GRXCR1: variants seen among roughly 807,000 people sequenced by gnomAD.
GRXCR1 encodes the protein glutaredoxin domain-containing cysteine-rich protein 1.
In GRXCR1, 27 loss-of-function variants were observed where a neutral mutation model predicts 27.3. The ratio of observed to expected loss-of-function variants is 0.99; its 90% confidence interval spans 0.73 to 1.37. The LOEUF (loss-of-function observed/expected upper bound fraction) is 1.37. GRXCR1 is among the 40% of genes most tolerant of loss of function. The probability of loss-of-function intolerance (pLI) is 0.00; values close to 1 mark genes in which losing one functional copy is unlikely to be tolerated. For synonymous variants in GRXCR1, 122 were observed against 131.1 expected, an observed-to-expected ratio of 0.93 and a Z score of 0.47; for missense variants, 379 against 354.4, an observed-to-expected ratio of 1.07 and a Z score of -0.56.
intron 2 of GRXCR1, among the ~76,000 whole-genome samples, chr4:43,014,444 G>T (rs1474243930): frequency 1.3e-5 from 2 of 152,096 alleles, no homozygotes; most frequent in Admixed American, 6.6e-5. Context: ...CTAGGTGCGG[G>T]TCGAACTCCT....
intron 2 of GRXCR1, among the ~76,000 whole-genome samples, chr4:42,970,796 A>G (rs1277026011): frequency 2.6e-5 from 4 of 152,158 alleles, no homozygotes; most frequent in African/African-American, 9.6e-5. Context: ...TTACGTATGC[A>G]AATTTCTTCA....
At chr4:42,984,851 T>C (rs1421995138) in intron 2 of GRXCR1, among the ~76,000 whole-genome samples, 2 of 152,140 alleles carry the variant, frequency 1.3e-5, no homozygotes, top group South Asian at 2.1e-4. Flanking sequence ...GGCCAAACGC[T>C]TGGGACTGTG....
At chr4:42,907,564 C>A (rs1305806770) in intron 1 of GRXCR1, among the ~76,000 whole-genome samples, 1 of 152,132 alleles carries the variant, frequency 6.6e-6, no homozygotes, top group Non-Finnish European at 1.5e-5. Context: ...CAGGAAGTAG[C>A]TGCTGTACTT....
At chr4:42,934,240 T>TTA (rs3072842) in intron 1 of GRXCR1, among the ~76,000 whole-genome samples, 87,506 of 146,204 alleles carry the variant, frequency 0.6, 26,342 homozygotes, top group East Asian at 0.76. Context: ...TGATGTGATA[T>TTA]TATATATATA....
chr4:42,920,841 C>T (rs1746992203), intron 1 of GRXCR1, among the ~76,000 whole-genome samples: 2 of 152,158 alleles, frequency 1.3e-5, no homozygotes, highest in African/African-American at 4.8e-5. Flanking sequence ...ATAGTTCTTC[C>T]CTCTGGTTTT....
At chr4:42,994,505 C>A (rs1469899959) in intron 2 of GRXCR1, among the ~76,000 whole-genome samples, 1 of 152,138 alleles carries the variant, frequency 6.6e-6, no homozygotes, top group Admixed American at 6.6e-5. Context: ...AGTTATCCCA[C>A]TGAGTGTGTG....
chr4:42,935,798 C>G (rs1302004743), intron 1 of GRXCR1, among the ~76,000 whole-genome samples: 2 of 151,850 alleles, frequency 1.3e-5, no homozygotes, highest in African/African-American at 4.8e-5. Flanking sequence ...CGTTTTATTA[C>G]TTGGAAGTCT....
At chr4:43,013,801 T>C (rs9968271) in intron 2 of GRXCR1, among the ~76,000 whole-genome samples, 1,890 of 152,298 alleles carry the variant, frequency 0.012, 44 homozygotes, top group African/African-American at 0.043. Context: ...TTGATATTAC[T>C]TTTATATAAT....
intron 1 of GRXCR1, among the ~76,000 whole-genome samples, chr4:42,903,150 G>GTGAGAGCTTATGAGAACTGAAA (rs1577898607): frequency 1.3e-5 from 2 of 149,594 alleles, no homozygotes; most frequent in South Asian, 2.2e-4. Flanking sequence ...TAAACAGCTG[G>GTGAGAGCTTATGAGAACTGAAA]CTTTATAGTA....
At chr4:42,906,221 T>C (rs575242061) in intron 1 of GRXCR1, among the ~76,000 whole-genome samples, 41 of 152,268 alleles carry the variant, frequency 2.7e-4, no homozygotes, top group Admixed American at 1.2e-3. Flanking sequence ...GTTAGTATAG[T>C]ATTTATCTAT....
chr4:42,981,869 T>C (rs890802460), intron 2 of GRXCR1, among the ~76,000 whole-genome samples: 2 of 152,202 alleles, frequency 1.3e-5, no homozygotes, highest in Admixed American at 6.5e-5. Flanking sequence ...TCTTTATCTT[T>C]GATTTTTGAC....
intron 1 of GRXCR1, among the ~76,000 whole-genome samples, chr4:42,904,712 T>C (rs1239735950): frequency 3.3e-5 from 5 of 152,204 alleles, no homozygotes; most frequent in Non-Finnish European, 7.3e-5. Flanking sequence ...TCATTTTTAT[T>C]ATCCTTCTTC....
At chr4:42,981,414 G>A (rs754297813) in intron 2 of GRXCR1, among the ~76,000 whole-genome samples, 2 of 152,138 alleles carry the variant, frequency 1.3e-5, no homozygotes, top group Non-Finnish European at 2.9e-5. Context: ...AATTATGGTA[G>A]CTTTTATGAA....
rs375268827 is a variant in GRXCR1, at chr4:43,020,402, A to T, written c.676A>T (p.Ile226Phe). ...SMNESGELQD[I>F]LTKIERVQHP... Reference sequence around the variant, plus strand: ...GAATGAATCAGGAGAACTGCAAGACATCCTAACCAAAATTGAGGTAAATGT... The same window carrying T: ...GAATGAATCAGGAGAACTGCAAGACTTCCTAACCAAAATTGAGGTAAATGT... The change falls in exon 3 of 4, where the codon ATC (isoleucine) becomes TTC (phenylalanine). Residue 226 changes from isoleucine (I) to phenylalanine (F), a missense_variant. Ile to Phe is a conservative substitution (Grantham distance 21). Transcript: ENST00000399770. The T allele has an allele frequency of 2.5e-6, 4 of 1,610,124 alleles. No homozygotes were observed. In the African/African-American group the frequency reaches 5.3e-5, roughly 22 times the overall value.
chr4:42,953,346 C>T (rs962788373), intron 1 of GRXCR1, among the ~76,000 whole-genome samples: 6 of 152,114 alleles, frequency 3.9e-5, no homozygotes, highest in Non-Finnish European at 8.8e-5. Context: ...ATAAGTCTTC[C>T]ACCCGGCCCT....
chr4:43,003,532 G>A (rs1005350349), intron 2 of GRXCR1, among the ~76,000 whole-genome samples: 1 of 152,162 alleles, frequency 6.6e-6, no homozygotes, highest in Non-Finnish European at 1.5e-5. Context: ...TGCTGATAGT[G>A]ATATGGACAA....
At chr4:42,966,841 A>G (rs1748248701) in intron 2 of GRXCR1, among the ~76,000 whole-genome samples, 1 of 151,916 alleles carries the variant, frequency 6.6e-6, no homozygotes, top group Non-Finnish European at 1.5e-5. Flanking sequence ...TGCATATCTT[A>G]TTTGGTTAGG....
chr4:42,959,583 T>A (rs1748083753), intron 1 of GRXCR1, among the ~76,000 whole-genome samples: 1 of 152,012 alleles, frequency 6.6e-6, no homozygotes, highest in African/African-American at 2.4e-5. Context: ...GAATAATGTA[T>A]GTATTAATTT....
chr4:42,900,138 A>G (rs1357217810), intron 1 of GRXCR1, among the ~76,000 whole-genome samples: 1 of 152,162 alleles, frequency 6.6e-6, no homozygotes, highest in African/African-American at 2.4e-5. Flanking sequence ...TTTTGTATAA[A>G]AGTAATATAA....
Sources: allele counts gnomAD v4.1 joint callset (sites outside exome capture counted in the v4.1 genomes callset), GRCh38; gene constraint gnomAD v4.1.1; transcripts MANE v1.5; gene names NCBI Gene and HGNC (gene_info 2026-07-23, HGNC 2026-07-21).